Variants in NRG1 observed in about 807,000 individuals in gnomAD.
The protein encoded by NRG1 is pro-neuregulin-1, membrane-bound isoform.
Under a neutral mutation model 63.8 loss-of-function variants are expected in NRG1, and 18 were observed. The ratio of observed to expected loss-of-function variants is 0.28; its 90% CI spans 0.19 to 0.42. The LOEUF is 0.42. Among genes scored for constraint, NRG1 ranks in the 10% least tolerant of loss-of-function variants. The pLI, the probability that NRG1 is intolerant of heterozygous loss-of-function variation, is 1.00. For synonymous variants in NRG1, 302 were observed against 301.3 expected (o/e 1.00, Z -0.02); for missense variants, 762 against 814.7 (o/e 0.94, Z 0.79).
chr8:32,191,488 A>G (rs540952489), intron 1 of NRG1, among the ~76,000 whole-genome samples: 1 of 152,252 alleles, frequency 6.6e-6, no homozygotes, highest in South Asian at 2.1e-4. Flanking sequence ...TTCCCTTCCT[A>G]TGTTGGTAAG....
chr8:32,465,774 A>C (rs1225940336), intron 1 of NRG1, among the ~76,000 whole-genome samples: 1 of 152,250 alleles, frequency 6.6e-6, no homozygotes, highest in Non-Finnish European at 1.5e-5. Context: ...AACATTATGG[A>C]AATAGTGATA....
At chr8:31,975,104 A>G (rs2129629680) in intron 1 of NRG1, among the ~76,000 whole-genome samples, 1 of 152,328 alleles carries the variant, frequency 6.6e-6, no homozygotes, top group Admixed American at 6.5e-5. Flanking sequence ...ATAATAGTGT[A>G]GAATTATTTG....
intron 1 of NRG1, among the ~76,000 whole-genome samples, chr8:31,908,051 C>T (rs1832669413): frequency 6.6e-6 from 1 of 152,106 alleles, no homozygotes; most frequent in African/African-American, 2.4e-5. Context: ...CCCATTTCAG[C>T]CATGCATATG....
At chr8:32,432,080 T>C (rs1818215217) in intron 1 of NRG1, among the ~76,000 whole-genome samples, 1 of 152,152 alleles carries the variant, frequency 6.6e-6, no homozygotes, top group Non-Finnish European at 1.5e-5. Flanking sequence ...AATTGTAGAA[T>C]TTTCCTGTTA....
intron 1 of NRG1, among the ~76,000 whole-genome samples, chr8:31,875,990 T>G (rs2129612114): frequency 6.6e-6 from 1 of 152,152 alleles, no homozygotes; most frequent in South Asian, 2.1e-4. Flanking sequence ...GATTCAGATC[T>G]GCAGGAGGTA....
chr8:31,947,828 C>T (rs575425626), intron 1 of NRG1, among the ~76,000 whole-genome samples: 1 of 151,756 alleles, frequency 6.6e-6, no homozygotes, highest in South Asian at 2.1e-4. Context: ...TTCCTGTAGT[C>T]CCAGCTACTT....
chr8:31,859,104 T>G (rs570874499), intron 1 of NRG1, among the ~76,000 whole-genome samples: 2 of 152,324 alleles, frequency 1.3e-5, no homozygotes, highest in Non-Finnish European at 2.9e-5. Context: ...TGACCCTAGT[T>G]ATAAAATGAT....
intron 1 of NRG1, among the ~76,000 whole-genome samples, chr8:31,984,010 G>T (rs183160091): frequency 7.0e-4 from 106 of 152,194 alleles, no homozygotes; most frequent in Middle Eastern, 6.8e-3. Flanking sequence ...AAAGTGGGCA[G>T]AAGTCATGTT....
At chr8:32,517,607 C>T (rs1231477641) in intron 1 of NRG1, among the ~76,000 whole-genome samples, 2 of 152,098 alleles carry the variant, frequency 1.3e-5, no homozygotes, top group Non-Finnish European at 2.9e-5. Flanking sequence ...ACATGCAGCT[C>T]TACGAAATAT....
chr8:31,681,483 C>T (rs1808336523), intron 1 of NRG1, among the ~76,000 whole-genome samples: 1 of 151,864 alleles, frequency 6.6e-6, no homozygotes, highest in African/African-American at 2.4e-5. Context: ...TATCATGTTC[C>T]AGCCAGTATA....
At position 32,387,539 on chromosome 8, in the gene NRG1, A is replaced by C. The variant is rs55929500; in HGVS notation, c.38-208289A>C. On this transcript the variant is annotated intron_variant, in intron 1 of 10. Transcript: ENST00000519301. ...TGTGTTCTGAGCCATAGCTAGGCTT[A>C]TGCACATAACAAAGTCTGATTCCCA... Among the ~76,000 whole-genome samples the C allele has an allele frequency of 8.7e-3, 1,318 of 152,264 alleles. 21 individuals carry two copies. Among genetic ancestry groups the C allele is most frequent in the African/African-American group, 0.031 (1,268 of 41,544 alleles).
chr8:31,868,144 TCTTACACACACACACACACACA>T (rs1188292703), intron 1 of NRG1, among the ~76,000 whole-genome samples: 3 of 110,980 alleles, frequency 2.7e-5, no homozygotes, highest in Non-Finnish European at 5.2e-5. Context: ...CACACATACA[TCTTACACACACACACACACACA>T]CACACACACA....
intron 1 of NRG1, among the ~76,000 whole-genome samples, chr8:32,027,470 C>T (rs570724009): frequency 9.1e-5 from 12 of 131,334 alleles, no homozygotes; most frequent in African/African-American, 3.5e-4. Flanking sequence ...CCTTCCTTCC[C>T]TCCCTCCCTC....
At chr8:32,241,159 T>C (rs1193645585) in intron 1 of NRG1, among the ~76,000 whole-genome samples, 1 of 152,098 alleles carries the variant, frequency 6.6e-6, no homozygotes, top group Non-Finnish European at 1.5e-5. Context: ...GTGGGTGTGG[T>C]TCAAGAATCT....
At chr8:31,847,321 CA>C (rs1563476067) in intron 1 of NRG1, among the ~76,000 whole-genome samples, 4 of 151,704 alleles carry the variant, frequency 2.6e-5, no homozygotes, top group Admixed American at 1.3e-4. Flanking sequence ...GAGCCAAAAA[CA>C]GAGTTTCTCT....
At position 32,634,099 on chromosome 8, in the gene NRG1, T is replaced by TAAA. The variant is rs57478389; in HGVS notation, c.502+17231_502+17233dup. 6.0e-4 allele frequency among the ~76,000 whole-genome samples: 52 copies of TAAA among 86,762 alleles called. 6 individuals carry two copies. In the East Asian group the frequency reaches 8.5e-3, roughly 14 times the overall value. 56.9% of individuals were successfully genotyped at this position (86,762 alleles called of 152,430 possible). On this transcript the variant is annotated intron_variant, in intron 5 of 11. Coordinates refer to ENST00000356819, the Ensembl canonical transcript of NRG1. ...TTTGAGGCTGAGCAAGATCTTGTCT[T>TAAA]AAAAAAAAAAAAAAAAAAAGGTTGC... is the stretch of plus-strand genomic sequence containing the variant.
intron 1 of NRG1, among the ~76,000 whole-genome samples, chr8:32,303,736 A>G (rs1855893212): frequency 6.6e-6 from 1 of 152,206 alleles, no homozygotes; most frequent in Non-Finnish European, 1.5e-5. Flanking sequence ...TATTCATACT[A>G]TTTTAAATTC....
At chr8:31,660,279 T>C (rs1374773235) in intron 1 of NRG1, among the ~76,000 whole-genome samples, 1 of 143,124 alleles carries the variant, frequency 7.0e-6, no homozygotes, top group Non-Finnish European at 1.6e-5. Context: ...ATGATACAGC[T>C]GGGGAGAAAA....
chr8:32,365,668 G>A (rs903623669), intron 1 of NRG1, among the ~76,000 whole-genome samples: 4 of 152,094 alleles, frequency 2.6e-5, no homozygotes, highest in Non-Finnish European at 5.9e-5. Context: ...TCTTGGGGCA[G>A]CTACTCAACT....
Sources: allele counts gnomAD v4.1 joint callset (sites outside exome capture counted in the v4.1 genomes callset), GRCh38; gene constraint gnomAD v4.1.1; transcripts MANE v1.5; gene names NCBI Gene and HGNC (gene_info 2026-07-23, HGNC 2026-07-21).